The following ZC4H2 variants were observed in gnomAD, a reference collection of about 807,000 sequenced individuals.
The protein encoded by ZC4H2 is zinc finger C4H2 domain-containing protein.
For synonymous variants in ZC4H2, 84 were observed against 66.3 expected, an observed-to-expected ratio of 1.27 and a Z score of -1.30; for missense variants, 137 against 173.9, an observed-to-expected ratio of 0.79 and a Z score of 1.19.
At position 64,964,198 on chromosome X, in the gene ZC4H2, C is replaced by T. The variant is rs746271207; in HGVS notation, c.53+12127G>A. Among the ~76,000 whole-genome samples the T allele has an allele frequency of 1.4e-3, 152 of 105,366 alleles. 1 individual carries two copies. Among genetic ancestry groups the T allele is most frequent in the African/African-American group, 5.2e-3 (149 of 28,618 alleles). The allele number at this position is 105,366 out of a possible 115,157, so 91.5% of individuals were successfully genotyped here. On this transcript the variant is annotated intron_variant, in intron 1 of 4. Coordinates refer to ENST00000374839, the MANE Select transcript of ZC4H2 (RefSeq NM_018684.4). ...GATCTCAAGTTCTGTGACCTTACCA[C>T]AGTAAAATTAAATTAAATTAAATTA...
At chrX:64,922,056 T>G in intron 1 of ZC4H2, 68 bp from the exon 2 acceptor site, 3 of 1,166,378 alleles carry the variant, frequency 2.6e-6, no homozygotes, top group Non-Finnish European at 3.4e-6. Flanking sequence ...GAGCCAGGAC[T>G]TTTTTTCTAA....
intron 1 of ZC4H2, among the ~76,000 whole-genome samples, chrX:64,989,106 G>C (rs1932254916): frequency 8.9e-6 from 1 of 112,123 alleles, no homozygotes; most frequent in Admixed American, 9.4e-5. Context: ...GTACCATGCT[G>C]TTTTGGTTAC....
chrX:65,021,762 AATAG>A (rs767479790), intron 1 of ZC4H2, among the ~76,000 whole-genome samples: 1 of 111,362 alleles, frequency 9.0e-6, no homozygotes, highest in South Asian at 3.7e-4. Context: ...AGATTAACAA[AATAG>A]ATAGACCACA....
chrX:65,031,226 C>T (rs1263019072), intron 1 of ZC4H2, among the ~76,000 whole-genome samples: 1 of 112,254 alleles, frequency 8.9e-6, no homozygotes, highest in Non-Finnish European at 1.9e-5. Context: ...TCCATTACAA[C>T]TTTACACTTC....
At chrX:64,954,567 C>T (rs1038116109) in intron 1 of ZC4H2, among the ~76,000 whole-genome samples, 24 of 104,397 alleles carry the variant, frequency 2.3e-4, no homozygotes, top group Non-Finnish European at 3.9e-4. Flanking sequence ...CAGTTAGTTG[C>T]TTAATGCTGA....
At chrX:64,974,780 G>A (rs984346530) in intron 1 of ZC4H2, among the ~76,000 whole-genome samples, 1 of 109,546 alleles carries the variant, frequency 9.1e-6, no homozygotes, top group African/African-American at 3.3e-5. Flanking sequence ...TATTTTCACT[G>A]GGGATTAAAG....
chrX:64,991,793 A>T (rs1472652751), intron 1 of ZC4H2, among the ~76,000 whole-genome samples: 1 of 112,294 alleles, frequency 8.9e-6, no homozygotes, highest in Non-Finnish European at 1.9e-5. Flanking sequence ...TCAATTGATG[A>T]GTGGATAAAT....
intron 1 of ZC4H2, among the ~76,000 whole-genome samples, chrX:64,991,492 T>C (rs1270525974): frequency 2.7e-5 from 3 of 111,651 alleles, no homozygotes; most frequent in Non-Finnish European, 5.6e-5. Context: ...AGGAGGAGTG[T>C]TTGAACCTAG....
chrX:64,924,950 C>T (rs1425084459), intron 1 of ZC4H2, among the ~76,000 whole-genome samples: 1 of 111,182 alleles, frequency 9.0e-6, no homozygotes, highest in Non-Finnish European at 1.9e-5. Context: ...GTTATCTGAT[C>T]ATCTCACTTC....
chrX:64,934,509 T>C (rs1178922473), intron 1 of ZC4H2, among the ~76,000 whole-genome samples: 1 of 112,119 alleles, frequency 8.9e-6, no homozygotes, highest in Admixed American at 9.5e-5. Context: ...ATATCCTCTA[T>C]TTCATTCCTG....
chrX:64,980,720 G>A (rs1318139504), upstream of ZC4H2, among the ~76,000 whole-genome samples: 1 of 111,286 alleles, frequency 9.0e-6, no homozygotes, highest in Non-Finnish European at 1.9e-5. Context: ...AACACAGCTA[G>A]TAAGTGGCAG....
At chrX:64,932,369 T>C (rs1929799774) in intron 1 of ZC4H2, among the ~76,000 whole-genome samples, 1 of 111,665 alleles carries the variant, frequency 9.0e-6, no homozygotes, top group Non-Finnish European at 1.9e-5. Flanking sequence ...TCGATGTTAG[T>C]ATTGAAATGT....
At chrX:64,934,293 G>C (rs193027755) in intron 1 of ZC4H2, among the ~76,000 whole-genome samples, 1 of 112,172 alleles carries the variant, frequency 8.9e-6, no homozygotes, top group Non-Finnish European at 1.9e-5. Context: ...TAACATCTGG[G>C]CCTGAAGATT....
At chrX:64,967,654 T>C (rs1022598573) in intron 1 of ZC4H2, among the ~76,000 whole-genome samples, 3 of 111,682 alleles carry the variant, frequency 2.7e-5, no homozygotes, top group Non-Finnish European at 3.8e-5. Flanking sequence ...CCTGGGCTCG[T>C]CAGAACATTA....
chrX:64,955,923 C>G (rs1445735626), intron 1 of ZC4H2, among the ~76,000 whole-genome samples: 1 of 111,841 alleles, frequency 8.9e-6, no homozygotes. Context: ...CTCCTCTTAA[C>G]CCACATCATG....
In ZC4H2 at chrX:64,917,554, G is replaced by A; in HGVS notation, c.*229C>T. On this transcript the variant is annotated 3_prime_UTR_variant, in exon 5 of 5. Transcript: ENST00000374839. ...CAGGGGTTGAAATGTGAGTGGGAGAGAAGGGATCATCAGACACACTGTTTA... is the reference window on the plus strand; with the variant it reads ...CAGGGGTTGAAATGTGAGTGGGAGAAAAGGGATCATCAGACACACTGTTTA... 1 of 401,983 alleles carries A rather than the reference G, an allele frequency of 2.5e-6. No homozygotes were observed. The allele number at this position is 401,983 out of a possible 1,213,427, so 33.1% of individuals were successfully genotyped here. A position where few individuals can be genotyped will look rare whatever the true frequency, so the allele number is the denominator to read the frequency against.
intron 1 of ZC4H2, chrX:64,922,203 G>A: frequency 1.2e-6 from 1 of 848,107 alleles, no homozygotes; most frequent in South Asian, 4.2e-5. Context: ...TTGAGCCCAG[G>A]AGTTTGAAAC....
upstream of ZC4H2, among the ~76,000 whole-genome samples, chrX:64,980,466 G>A (rs928370294): frequency 8.9e-6 from 1 of 111,863 alleles, no homozygotes; most frequent in Admixed American, 9.5e-5. Context: ...GGCAGGATGA[G>A]AGAGGAAGGG....
At chrX:64,936,394 C>A (rs1930013491) in intron 1 of ZC4H2, among the ~76,000 whole-genome samples, 1 of 111,057 alleles carries the variant, frequency 9.0e-6, no homozygotes, top group South Asian at 3.8e-4. Flanking sequence ...CAACACAGAC[C>A]AACATTCAAA....
Sources: gnomAD v4.1 joint callset for allele counts (sites outside exome capture counted in the v4.1 genomes callset) on GRCh38, gnomAD v4.1.1 for gene constraint, MANE v1.5 for transcripts, NCBI Gene and HGNC (gene_info 2026-07-23, HGNC 2026-07-21) for gene names.